ARHGEF28: variants seen among roughly 807,000 people sequenced by gnomAD.
ARHGEF28 encodes Rho guanine nucleotide exchange factor 28.
ARHGEF28 carries 152 observed loss-of-function variants against 206.6 expected under a neutral mutation model. That is an observed-to-expected ratio of 0.74 (90% CI 0.64 to 0.84). The LOEUF is 0.84. Ranked by LOEUF, ARHGEF28 falls within the 40% of genes least tolerant of loss-of-function variation. ARHGEF28 has a pLI of 0.00. For synonymous variants in ARHGEF28, 763 were observed against 776.4 expected (o/e 0.98, Z 0.29); for missense variants, 2,028 against 2,073.2 (o/e 0.98, Z 0.42).
In ARHGEF28 at chr5:73,941,152, T is replaced by G. The variant is rs563148921; in HGVS notation, c.*139T>G. ...TATTTAATATTTCCTGGAAGCTCATTTTTTTGGCATGAGTCTAATTAAATT... is the reference window on the plus strand; with the variant it reads ...TATTTAATATTTCCTGGAAGCTCATGTTTTTGGCATGAGTCTAATTAAATT... On this transcript the variant is annotated 3_prime_UTR_variant, in exon 36 of 36. Transcript: ENST00000513042. The G allele has an allele frequency of 7.1e-6, 6 of 848,674 alleles. No individual in the cohort carries two copies. In the East Asian group the frequency reaches 2.1e-4, roughly 30 times the overall value. The allele number at this position is 848,674 out of a possible 1,614,324, so 52.6% of individuals were successfully genotyped here. A position where few individuals can be genotyped will look rare whatever the true frequency, so the allele number is the denominator to read the frequency against.
rs550279376 is a variant in ARHGEF28 at position 73,832,464 on chromosome 5, G to C, written c.1146+5G>C. On this transcript the variant is annotated splice_donor_5th_base_variant and intron_variant, in intron 10 of 35. Coordinates refer to ENST00000513042, the MANE Select transcript of ARHGEF28 (RefSeq NM_001177693.2). ...AACTGTATGGTGATTGATCAGGTAAGGCCCAACTGACATTACAGGATGATT... is the reference window on the plus strand; with the variant it reads ...AACTGTATGGTGATTGATCAGGTAACGCCCAACTGACATTACAGGATGATT... The C allele has an allele frequency of 6.2e-7, 1 of 1,611,108 alleles. No homozygotes were observed. Among genetic ancestry groups the C allele is most frequent in the Non-Finnish European group, 8.5e-7 (1 of 1,178,660 alleles).
chr5:73,782,226 G>T (rs559761679), intron 7 of ARHGEF28, among the ~76,000 whole-genome samples: 4 of 151,916 alleles, frequency 2.6e-5, no homozygotes, highest in Admixed American at 6.6e-5. Flanking sequence ...ATCACCTGAG[G>T]TCGGGGGTTC....
chr5:73,637,027 C>A (rs1743760267), intron 1 of ARHGEF28, among the ~76,000 whole-genome samples: 1 of 152,202 alleles, frequency 6.6e-6, no homozygotes, highest in Non-Finnish European at 1.5e-5. Context: ...CCTGTCATGG[C>A]AGCTCATGTT....
At chr5:73,805,356 G>A (rs1355133497) in intron 9 of ARHGEF28, among the ~76,000 whole-genome samples, 1 of 152,090 alleles carries the variant, frequency 6.6e-6, no homozygotes, top group East Asian at 1.9e-4. Context: ...TGCAGAATGT[G>A]ACAAAACAAT....
intron 2 of ARHGEF28, among the ~76,000 whole-genome samples, chr5:73,738,360 G>A (rs1337630602): frequency 2.0e-5 from 3 of 152,056 alleles, no homozygotes; most frequent in Non-Finnish European, 2.9e-5. Flanking sequence ...GAGCTCTAAG[G>A]CTTCTTTCAG....
chr5:73,678,790 A>G (rs1473064613), intron 1 of ARHGEF28, among the ~76,000 whole-genome samples: 2 of 151,472 alleles, frequency 1.3e-5, no homozygotes, highest in Non-Finnish European at 2.9e-5. Context: ...ATGTACCCTT[A>G]TCAAGTTAAA....
intron 11 of ARHGEF28, 36 bp downstream of exon 11, chr5:73,840,796 A>G (rs1757942667): frequency 6.4e-7 from 1 of 1,569,188 alleles, no homozygotes; most frequent in Non-Finnish European, 8.6e-7. Context: ...ACTGTAGAAC[A>G]TCAAAGAACC....
At chr5:73,653,594 A>G (rs749440709) in intron 1 of ARHGEF28, among the ~76,000 whole-genome samples, 1 of 152,180 alleles carries the variant, frequency 6.6e-6, no homozygotes, top group Non-Finnish European at 1.5e-5. Context: ...ACATAGCTAC[A>G]TGGAAGGAAT....
chr5:73,820,227 A>G (rs908783674), intron 9 of ARHGEF28, among the ~76,000 whole-genome samples: 3 of 152,220 alleles, frequency 2.0e-5, no homozygotes, highest in Non-Finnish European at 4.4e-5. Flanking sequence ...TTAGCCTAAT[A>G]TAGAAAACTT....
chr5:73,789,956 A>T (rs566932311), intron 7 of ARHGEF28, among the ~76,000 whole-genome samples: 1 of 152,140 alleles, frequency 6.6e-6, no homozygotes, highest in African/African-American at 2.4e-5. Flanking sequence ...TCCCCAGGGG[A>T]AACACTATTT....
intron 2 of ARHGEF28, among the ~76,000 whole-genome samples, chr5:73,728,639 G>T (rs1241001745): frequency 6.6e-6 from 1 of 152,164 alleles, no homozygotes; most frequent in Non-Finnish European, 1.5e-5. Context: ...GTGGCACCCT[G>T]TACTAAATAC....
At chr5:73,643,578 G>T (rs192665723) in intron 1 of ARHGEF28, among the ~76,000 whole-genome samples, 6 of 152,190 alleles carry the variant, frequency 3.9e-5, no homozygotes, top group African/African-American at 1.4e-4. Flanking sequence ...ACTCTGAGAG[G>T]CCAAGGCAGG....
intron 16 of ARHGEF28, among the ~76,000 whole-genome samples, chr5:73,863,929 C>T (rs549478894): frequency 2.6e-5 from 4 of 152,142 alleles, no homozygotes; most frequent in African/African-American, 4.8e-5. Flanking sequence ...AGTTGTAGGG[C>T]GCAGCTTCCT....
chr5:73,845,325 T>C (rs2112585401), intron 11 of ARHGEF28, among the ~76,000 whole-genome samples: 1 of 152,258 alleles, frequency 6.6e-6, no homozygotes, highest in East Asian at 1.9e-4. Flanking sequence ...CTCAGAATCA[T>C]CTTTTTTTAA....
At chr5:73,888,861 T>C (rs1761457828) in intron 26 of ARHGEF28, among the ~76,000 whole-genome samples, 1 of 152,180 alleles carries the variant, frequency 6.6e-6, no homozygotes, top group Non-Finnish European at 1.5e-5. Flanking sequence ...AATGGCAGAA[T>C]GAAGACAGTT....
chr5:73,832,179 A>G (rs1462358002), intron 9 of ARHGEF28, among the ~76,000 whole-genome samples, 159 bp from the exon 10 acceptor site: 1 of 152,200 alleles, frequency 6.6e-6, no homozygotes, highest in African/African-American at 2.4e-5. Context: ...AGGTTTGGAT[A>G]TAGATGAAAA....
At chr5:73,818,637 G>A (rs1756380587) in intron 9 of ARHGEF28, among the ~76,000 whole-genome samples, 1 of 152,184 alleles carries the variant, frequency 6.6e-6, no homozygotes. Flanking sequence ...TCCAGACTCT[G>A]CCTAGAGGCC....
At chr5:73,686,844 TA>T (rs1303320530) in intron 2 of ARHGEF28, among the ~76,000 whole-genome samples, 4 of 151,970 alleles carry the variant, frequency 2.6e-5, no homozygotes, top group African/African-American at 4.8e-5. Flanking sequence ...TTCTAGTTAT[TA>T]AAAAAATGCT....
intron 10 of ARHGEF28, among the ~76,000 whole-genome samples, chr5:73,834,922 G>C (rs1757531150): frequency 6.6e-6 from 1 of 152,082 alleles, no homozygotes; most frequent in Non-Finnish European, 1.5e-5. Context: ...CTTAAGTGAG[G>C]AATGACTGTA....
Sources: allele counts gnomAD v4.1 joint callset (sites outside exome capture counted in the v4.1 genomes callset), GRCh38; gene constraint gnomAD v4.1.1; transcripts MANE v1.5; gene names NCBI Gene and HGNC (gene_info 2026-07-23, HGNC 2026-07-21).